PPP1R9A: variants seen among roughly 807,000 people sequenced by gnomAD.
PPP1R9A encodes the protein neurabin-1.
Under a neutral mutation model 141.9 loss-of-function variants are expected in PPP1R9A, and 59 were observed. The observed-to-expected ratio is 0.42, with a 90% confidence interval of 0.34 to 0.52. PPP1R9A has a LOEUF of 0.52. PPP1R9A is among the 20% of genes least tolerant of loss of function. The pLI, the probability that PPP1R9A is intolerant of heterozygous loss-of-function variation, is 0.10. For missense variants in PPP1R9A, 1,444 were observed against 1,611.9 expected, an observed-to-expected ratio of 0.90 and a Z score of 1.78; for synonymous variants, 500 against 569.7, an observed-to-expected ratio of 0.88 and a Z score of 1.74.
At chr7:94,939,693 A>C (rs1795122934) in intron 2 of PPP1R9A, among the ~76,000 whole-genome samples, 1 of 151,846 alleles carries the variant, frequency 6.6e-6, no homozygotes, top group Non-Finnish European at 1.5e-5. Flanking sequence ...TTAGTGACTT[A>C]GGTGAACATT....
intron 2 of PPP1R9A, among the ~76,000 whole-genome samples, chr7:94,956,995 C>G (rs1797141039): frequency 6.6e-6 from 1 of 152,092 alleles, no homozygotes; most frequent in Non-Finnish European, 1.5e-5. Context: ...TTCCTTTTCA[C>G]AAATAAAGTG....
At chr7:94,985,695 C>T (rs547963914) in intron 2 of PPP1R9A, among the ~76,000 whole-genome samples, 5 of 151,950 alleles carry the variant, frequency 3.3e-5, no homozygotes, top group South Asian at 2.1e-4. Context: ...CATCTTCCTC[C>T]GTCCCTTTAT....
intron 4 of PPP1R9A, among the ~76,000 whole-genome samples, chr7:95,149,651 C>T (rs1828286718): frequency 6.6e-6 from 1 of 151,534 alleles, no homozygotes; most frequent in African/African-American, 2.4e-5. Flanking sequence ...AAATGAAATA[C>T]TTAGGTATAA....
intron 2 of PPP1R9A, among the ~76,000 whole-genome samples, chr7:95,064,363 G>T (rs1034362892): frequency 1.3e-5 from 2 of 152,090 alleles, no homozygotes; most frequent in East Asian, 3.8e-4. Flanking sequence ...TCTCTATAAG[G>T]TACATCACGA....
intron 8 of PPP1R9A, 48 bp from the exon 9 acceptor site, chr7:95,247,425 T>C (rs751293822): frequency 4.1e-6 from 6 of 1,474,762 alleles, no homozygotes; most frequent in Admixed American, 1.7e-5. Context: ...TTTACAAATA[T>C]AGATACACTT....
At chr7:95,282,681 C>G (rs969967297) in intron 16 of PPP1R9A, among the ~76,000 whole-genome samples, 2 of 152,182 alleles carry the variant, frequency 1.3e-5, no homozygotes, top group African/African-American at 4.8e-5. Context: ...GAGTTCCTCA[C>G]CTAGAGTGTA....
chr7:95,080,227 C>G (rs1815580664), intron 2 of PPP1R9A, among the ~76,000 whole-genome samples: 2 of 152,190 alleles, frequency 1.3e-5, no homozygotes, highest in Admixed American at 1.3e-4. Context: ...AGCTGATAAG[C>G]AACTTCAGCA....
intron 2 of PPP1R9A, among the ~76,000 whole-genome samples, chr7:95,097,019 G>C (rs962782016): frequency 1.3e-5 from 2 of 151,910 alleles, no homozygotes; most frequent in African/African-American, 2.4e-5. Context: ...TACAATGACA[G>C]GTCTGAGATT....
chr7:94,932,515 G>A (rs979011054), intron 2 of PPP1R9A, among the ~76,000 whole-genome samples: 1 of 152,188 alleles, frequency 6.6e-6, no homozygotes, highest in African/African-American at 2.4e-5. Flanking sequence ...GACCCTTGGA[G>A]TAGAGCTAAT....
intron 12 of PPP1R9A, among the ~76,000 whole-genome samples, chr7:95,267,796 A>G (rs1418774495): frequency 6.6e-6 from 1 of 152,184 alleles, no homozygotes; most frequent in African/African-American, 2.4e-5. Context: ...GCACATACAA[A>G]TAACTTGTAA....
intron 2 of PPP1R9A, among the ~76,000 whole-genome samples, chr7:94,920,917 T>C (rs576628411): frequency 1.3e-5 from 2 of 152,190 alleles, no homozygotes; most frequent in Non-Finnish European, 2.9e-5. Context: ...TTCTCTTTTA[T>C]TCACCTCGGA....
intron 2 of PPP1R9A, among the ~76,000 whole-genome samples, chr7:95,014,784 T>C (rs895698857): frequency 4.6e-5 from 7 of 152,090 alleles, no homozygotes; most frequent in Non-Finnish European, 1.0e-4. Context: ...CTAATTGTCA[T>C]TGTACTGTAA....
chr7:95,122,418 AT>A (rs796933381), intron 4 of PPP1R9A, among the ~76,000 whole-genome samples: 63 of 152,292 alleles, frequency 4.1e-4, no homozygotes, highest in African/African-American at 1.4e-3. Context: ...AAGTGCTAGG[AT>A]TACGGGTGTG....
At chr7:95,257,415 C>G (rs867616088) in intron 12 of PPP1R9A, among the ~76,000 whole-genome samples, 1 of 152,078 alleles carries the variant, frequency 6.6e-6, no homozygotes, top group Non-Finnish European at 1.5e-5. Context: ...GATTCTACCT[C>G]ACATTATTCA....
intron 2 of PPP1R9A, among the ~76,000 whole-genome samples, chr7:94,925,275 C>T (rs1793334796): frequency 6.6e-6 from 1 of 151,998 alleles, no homozygotes; most frequent in Non-Finnish European, 1.5e-5. Context: ...TGAGGCCCAC[C>T]CACATTATGG....
chr7:95,022,851 C>T (rs1806193993), intron 2 of PPP1R9A, among the ~76,000 whole-genome samples: 1 of 152,096 alleles, frequency 6.6e-6, no homozygotes, highest in Admixed American at 6.5e-5. Flanking sequence ...GGTGGATAAG[C>T]TTTTTGATGT....
intron 2 of PPP1R9A, among the ~76,000 whole-genome samples, chr7:94,950,291 T>C (rs893128429): frequency 6.6e-6 from 1 of 152,138 alleles, no homozygotes; most frequent in East Asian, 1.9e-4. Context: ...TCTTTTTTTA[T>C]GTTCATTTCC....
intron 8 of PPP1R9A, among the ~76,000 whole-genome samples, chr7:95,237,294 C>G (rs1015822685): frequency 6.6e-6 from 1 of 150,670 alleles, no homozygotes; most frequent in African/African-American, 2.4e-5. Context: ...CTCCTGGGTT[C>G]AAGTGATTCT....
At chr7:95,115,800 C>T (rs1278223003) in intron 3 of PPP1R9A, among the ~76,000 whole-genome samples, 1 of 151,496 alleles carries the variant, frequency 6.6e-6, no homozygotes, top group African/African-American at 2.4e-5. Context: ...GCCTGTAGTC[C>T]CAGCTACTCA....
Sources: allele counts gnomAD v4.1 joint callset (sites outside exome capture counted in the v4.1 genomes callset), GRCh38; gene constraint gnomAD v4.1.1; transcripts MANE v1.5; gene names NCBI Gene and HGNC (gene_info 2026-07-23, HGNC 2026-07-21).